The following ILRUN variants were observed in gnomAD, a reference collection of about 807,000 sequenced individuals.
The protein encoded by ILRUN is protein ILRUN.
Under a neutral mutation model 33.8 loss-of-function variants are expected in ILRUN, and 3 were observed. The ratio of observed to expected loss-of-function variants is 0.09; its 90% CI spans 0.04 to 0.23. The LOEUF is 0.23. ILRUN is among the 10% of genes least tolerant of loss of function. The probability of loss-of-function intolerance (pLI) is 1.00; values close to 1 mark genes in which losing one functional copy is unlikely to be tolerated. For synonymous variants in ILRUN, 124 were observed against 138.9 expected (o/e 0.89, Z 0.75); for missense variants, 210 against 375.1 (o/e 0.56, Z 3.64).
intron 3 of ILRUN, among the ~76,000 whole-genome samples, chr6:34,610,057 A>G (rs1761716591): frequency 6.6e-6 from 1 of 151,882 alleles, no homozygotes; most frequent in African/African-American, 2.4e-5. Context: ...GCCACTCGAG[A>G]GGCTGAGGCA....
chr6:34,651,117 G>C (rs1354091868), intron 2 of ILRUN, among the ~76,000 whole-genome samples: 2 of 152,042 alleles, frequency 1.3e-5, no homozygotes, highest in Non-Finnish European at 2.9e-5. Flanking sequence ...CTCAGTAACG[G>C]GTGGCCAGAT....
At chr6:34,620,558 C>T (rs1480784838) in intron 3 of ILRUN, among the ~76,000 whole-genome samples, 1 of 152,170 alleles carries the variant, frequency 6.6e-6, no homozygotes, top group Non-Finnish European at 1.5e-5. Context: ...TAAATTATTG[C>T]AGAGCACAGT....
intron 1 of ILRUN, among the ~76,000 whole-genome samples, chr6:34,661,398 A>G (rs1459231660): frequency 6.6e-6 from 1 of 152,158 alleles, no homozygotes; most frequent in Non-Finnish European, 1.5e-5. Flanking sequence ...AAGGCTATAC[A>G]CTCTACAATT....
At chr6:34,622,029 A>G (rs1273235030) in intron 3 of ILRUN, among the ~76,000 whole-genome samples, 1 of 152,232 alleles carries the variant, frequency 6.6e-6, no homozygotes, top group African/African-American at 2.4e-5. Context: ...CGATGCTGAG[A>G]AAACTGCATA....
intron 1 of ILRUN, among the ~76,000 whole-genome samples, chr6:34,691,328 G>A (rs1230302400): frequency 6.6e-6 from 1 of 152,192 alleles, no homozygotes; most frequent in Non-Finnish European, 1.5e-5. Context: ...TTTGGTTTTA[G>A]ATATTGGGTT....
At chr6:34,635,717 G>A (rs1268316631) in intron 3 of ILRUN, among the ~76,000 whole-genome samples, 1 of 151,610 alleles carries the variant, frequency 6.6e-6, no homozygotes, top group East Asian at 1.9e-4. Flanking sequence ...TGGCCTCCTG[G>A]GTTCAAGTGA....
rs547658845 is a variant in ILRUN at position 34,615,299 on chromosome 6, T to G, written c.512-8395A>C. Among the ~76,000 whole-genome samples, 23 of 152,212 alleles carry G rather than the reference T, an allele frequency of 1.5e-4. No individual in the cohort carries two copies. In the East Asian group the frequency reaches 4.4e-3, roughly 29 times the overall value. On this transcript the variant is annotated intron_variant, in intron 3 of 4. Coordinates refer to ENST00000374023, the MANE Select transcript of ILRUN (RefSeq NM_024294.4). The stretch of plus-strand genomic sequence containing the variant: ...AAATCATATTTCAGAAATTAACAGG[T>G]AAAACTGCAACAGAGGCCAGGCATG...
rs202159139 is a variant in ILRUN, at chr6:34,683,156, ACG to A, written c.158+13288_158+13289del. 3.2e-3 allele frequency among the ~76,000 whole-genome samples: 460 copies of A among 143,916 alleles called. 3 individuals are homozygous for A. Among genetic ancestry groups the A allele is most frequent in the African/African-American group, 0.011 (435 of 38,202 alleles). The allele number at this position is 143,916 out of a possible 152,430, so 94.4% of individuals were successfully genotyped here. ...TACACACACACACATATAAATACAC[ACG>A]TGTGTTTATGTGTATTTGTATATAT... On this transcript the variant is annotated intron_variant, in intron 1 of 4. Transcript: ENST00000374023.
At chr6:34,674,206 T>C (rs1385753361) in intron 1 of ILRUN, among the ~76,000 whole-genome samples, 1 of 152,168 alleles carries the variant, frequency 6.6e-6, no homozygotes, top group Non-Finnish European at 1.5e-5. Context: ...TTTGTATTTT[T>C]AGTAAAGACG....
At chr6:34,613,010 T>TCCAGC (rs1761792515) in intron 3 of ILRUN, among the ~76,000 whole-genome samples, 1 of 149,846 alleles carries the variant, frequency 6.7e-6, no homozygotes, top group South Asian at 2.1e-4. Context: ...GCCACTGCAC[T>TCCAGC]CCAGCCTGGG....
chr6:34,674,302 T>C (rs1030996864), intron 1 of ILRUN, among the ~76,000 whole-genome samples: 3 of 152,162 alleles, frequency 2.0e-5, no homozygotes, highest in Non-Finnish European at 4.4e-5. Context: ...GCTGGGATTA[T>C]AGGCGTGAGC....
chr6:34,636,060 C>A (rs1017783909), intron 3 of ILRUN, among the ~76,000 whole-genome samples: 2 of 152,018 alleles, frequency 1.3e-5, no homozygotes, highest in Non-Finnish European at 2.9e-5. Flanking sequence ...AATTATAGAC[C>A]AACCCTGGCA....
Position 34,683,429 on chromosome 6 carries a change from C to CAT in ILRUN, c.158+13015_158+13016dup, listed in dbSNP as rs202177741. Among the ~76,000 whole-genome samples, 330 of 92,054 alleles carry CAT rather than the reference C, an allele frequency of 3.6e-3. 4 individuals are homozygous for CAT. Among genetic ancestry groups the CAT allele is most frequent in the South Asian group, 6.3e-3 (21 of 3,316 alleles). The allele number at this position is 92,054 out of a possible 152,430, so 60.4% of individuals were successfully genotyped here. The stretch of plus-strand genomic sequence containing the variant: ...ATACATATATATATACATATATATA[C>CAT]ATATATATATACATATATATATACA... On this transcript the variant is annotated intron_variant, in intron 1 of 4. Coordinates refer to ENST00000374023, the MANE Select transcript of ILRUN (RefSeq NM_024294.4).
intron 3 of ILRUN, among the ~76,000 whole-genome samples, chr6:34,618,420 C>G (rs140265036): frequency 2.3e-4 from 35 of 152,268 alleles, no homozygotes; most frequent in African/African-American, 8.4e-4. Context: ...ATGTCAACAC[C>G]TAAACCCTAA....
rs564155223 is a variant in ILRUN, at chr6:34,643,915, T to A, written c.511+2686A>T. ...CAGGATTCCACTAGGTTGGCCAGGC[T>A]GGTCTTGAACTCCTGACCTCAAGTG... On this transcript the variant is annotated intron_variant, in intron 3 of 4. Coordinates refer to ENST00000374023, the MANE Select transcript of ILRUN (RefSeq NM_024294.4). Among the ~76,000 whole-genome samples, 15 of 152,346 alleles carry A rather than the reference T, an allele frequency of 9.8e-5. No individual in the cohort carries two copies. In the South Asian group the frequency reaches 2.7e-3, roughly 27 times the overall value.
At chr6:34,652,371 G>A (rs772370296) in intron 2 of ILRUN, among the ~76,000 whole-genome samples, 1 of 152,256 alleles carries the variant, frequency 6.6e-6, no homozygotes, top group Admixed American at 6.5e-5. Flanking sequence ...AGGAAAGGGG[G>A]CGAATGAAAT....
At chr6:34,683,121 A>AT (rs1554189742) in intron 1 of ILRUN, among the ~76,000 whole-genome samples, 13 of 150,068 alleles carry the variant, frequency 8.7e-5, no homozygotes, top group Admixed American at 3.3e-4. Flanking sequence ...GTCTCAAAAA[A>AT]ATATATATAT....
chr6:34,687,464 A>T (rs1187305620), intron 1 of ILRUN, among the ~76,000 whole-genome samples: 3 of 151,760 alleles, frequency 2.0e-5, no homozygotes, highest in Admixed American at 6.6e-5. Flanking sequence ...GGGAGGCCAA[A>T]GCAGGCAGGT....
At chr6:34,611,093 T>C (rs1331893076) in intron 3 of ILRUN, among the ~76,000 whole-genome samples, 2 of 137,078 alleles carry the variant, frequency 1.5e-5, no homozygotes, top group Non-Finnish European at 3.1e-5. Flanking sequence ...CTTTCTTTCT[T>C]TCTGATGTCT....
Sources: allele counts gnomAD v4.1 joint callset (sites outside exome capture counted in the v4.1 genomes callset), GRCh38; gene constraint gnomAD v4.1.1; transcripts MANE v1.5; gene names NCBI Gene and HGNC (gene_info 2026-07-23, HGNC 2026-07-21).